Variants in INTS2 observed in about 807,000 individuals in gnomAD.
The protein encoded by INTS2 is integrator complex subunit 2, also known as KIAA1287.
In INTS2, 57 loss-of-function variants were observed where a neutral mutation model predicts 139.6. That is an observed-to-expected ratio of 0.41 (90% CI 0.33 to 0.51). The LOEUF is 0.51. INTS2 is among the 20% of genes least tolerant of loss of function. The probability of loss-of-function intolerance (pLI) is 0.28; values close to 1 mark genes in which losing one functional copy is unlikely to be tolerated. For synonymous variants in INTS2, 473 were observed against 493.4 expected, an observed-to-expected ratio of 0.96 and a Z score of 0.55; for missense variants, 1,196 against 1,436.7, an observed-to-expected ratio of 0.83 and a Z score of 2.71.
At position 61,868,962 on chromosome 17, in the gene INTS2, CA is replaced by C. The variant is rs1291740630; in HGVS notation, c.3244+71del. The stretch of plus-strand genomic sequence containing the variant: ...GAGTGACAGAAAAAACATATTGCAT[CA>C]CTAAATGCAGAAAATATAGGAACTA... On this transcript the variant is annotated intron_variant, in intron 23 of 24. Coordinates refer to ENST00000251334, the MANE Select transcript of INTS2 (RefSeq NM_001351695.2). The surrounding 1 kb of genome is among the most constrained non-coding windows in gnomAD (Gnocchi z 4.7). The C allele has an allele frequency of 3.4e-6, 3 of 876,744 alleles. No homozygotes were observed. Among genetic ancestry groups the C allele is most frequent in the Middle Eastern group, 3.4e-4 (1 of 2,950 alleles). 54.3% of individuals were successfully genotyped at this position (876,744 alleles called of 1,614,324 possible).
Position 61,904,624 on chromosome 17 carries a change from T to C in INTS2, c.1182-39A>G, listed in dbSNP as rs185119931. ...CATCATTAGGCTTTACATTTTTAGTTGGGATGAAGAAGAAAAAGTGAATTT... is the reference window on the plus strand; with the variant it reads ...CATCATTAGGCTTTACATTTTTAGTCGGGATGAAGAAGAAAAAGTGAATTT... On this transcript the variant is annotated intron_variant, in intron 8 of 24. Transcript: ENST00000251334. 2.9e-5 allele frequency: 44 copies of C among 1,524,140 alleles called. No individual in the cohort carries two copies. In the African/African-American group the frequency reaches 5.2e-4, roughly 18 times the overall value. 94.4% of individuals were successfully genotyped at this position (1,524,140 alleles called of 1,614,324 possible).
Position 61,875,672 on chromosome 17 carries a change from T to C in INTS2, c.2457-634A>G, listed in dbSNP as rs1384285233. The stretch of plus-strand genomic sequence containing the variant: ...AATATGACTGTATAAACAAGGATCA[T>C]CAGACACTTAAAGAAAGCTTTTACT... On this transcript the variant is annotated intron_variant, in intron 18 of 24. Transcript: ENST00000251334. This position sits in a 1 kb window ranked among gnomAD's most constrained non-coding sequence, Gnocchi z 4.6. Among the ~76,000 whole-genome samples the C allele has an allele frequency of 6.6e-6, 1 of 151,810 alleles. No individual in the cohort carries two copies. The highest frequency in any genetic ancestry group is 1.5e-5 in the Non-Finnish European group (1 of 67,972).
rs190196916 is a variant in INTS2 at position 61,909,554 on chromosome 17, C to T, written c.955-1920G>A. On this transcript the variant is annotated intron_variant, in intron 7 of 24. Transcript: ENST00000251334. This position sits in a 1 kb window ranked among gnomAD's most constrained non-coding sequence, Gnocchi z 4.9. ...ATAGGTAACTTCTCAACCCTCACCC[C>T]CTTCCCACCCTCCCAACATTTGGAG... Among the ~76,000 whole-genome samples the T allele has an allele frequency of 4.3e-3, 658 of 152,240 alleles. 4 individuals carry two copies. The highest frequency in any genetic ancestry group is 0.015 in the African/African-American group (630 of 41,544).
At chr17:61,877,833 A>ATAT in intron 18 of INTS2, 54 bp downstream of exon 18, 1 of 1,420,006 alleles carries the variant, frequency 7.0e-7, no homozygotes, top group East Asian at 2.3e-5. Flanking sequence ...AGGTTATTGT[A>ATAT]TATTATCCCT....
At chr17:61,889,983 A>AT (rs1470044348) in intron 14 of INTS2, 89 bp from the exon 15 acceptor site, 1 of 760,762 alleles carries the variant, frequency 1.3e-6, no homozygotes, top group East Asian at 2.8e-5. Context: ...AAAATAGACT[A>AT]TTCAGCATTG....
chr17:61,881,727 C>G (rs2079180266), intron 16 of INTS2, among the ~76,000 whole-genome samples: 1 of 152,216 alleles, frequency 6.6e-6, no homozygotes, highest in Non-Finnish European at 1.5e-5. Context: ...GGAATGTGCA[C>G]TTCTTGTGCA....
chr17:61,915,331 C>G (rs1385507323), intron 5 of INTS2, among the ~76,000 whole-genome samples: 1 of 138,620 alleles, frequency 7.2e-6, no homozygotes, highest in African/African-American at 3.2e-5. Flanking sequence ...GAGCAAGACT[C>G]CGTCTCAAAA....
chr17:61,871,340 C>CA lies in INTS2; in HGVS notation c.2778+924dup, dbSNP rs994466317. ...TTCACCATGTTGGCCAGGCTGGTCT[C>CA]AAAACTCCTGAACTCAGGTGATCCA... On this transcript the variant is annotated intron_variant, in intron 20 of 24. Coordinates refer to ENST00000251334, the MANE Select transcript of INTS2 (RefSeq NM_001351695.2). The surrounding 1 kb of genome is among the most constrained non-coding windows in gnomAD (Gnocchi z 4.9). 1.3e-5 allele frequency among the ~76,000 whole-genome samples: 2 copies of CA among 151,910 alleles called. No homozygotes were observed. The highest frequency in any genetic ancestry group is 4.8e-5 in the African/African-American group (2 of 41,362).
chr17:61,894,811 G>A (rs1020490397), intron 12 of INTS2, among the ~76,000 whole-genome samples: 1 of 150,912 alleles, frequency 6.6e-6, no homozygotes, highest in African/African-American at 2.5e-5. Flanking sequence ...CCATACCACT[G>A]TATACTAGCC....
At position 61,869,128 on chromosome 17, in the gene INTS2, G is replaced by A; in HGVS notation, c.3150C>T (p.Ile1050=). 6.2e-7 allele frequency: 1 copy of A among 1,603,306 alleles called. No homozygotes were observed. Among genetic ancestry groups the A allele is most frequent in the Non-Finnish European group, 8.5e-7 (1 of 1,171,186 alleles). The change falls in exon 23 of 25, where the codon ATC becomes ATT. Residue 1050 remains isoleucine (I), a synonymous_variant. Transcript: ENST00000251334. The surrounding 1 kb of genome is among the most constrained non-coding windows in gnomAD (Gnocchi z 5.4). The part of the protein sequence containing the change: ...QPELEKQIFA[I]QLLSHLCIQY... Reference sequence around the variant, plus strand: ...GTATACACAAGTGAGAAAGCAACTGGATAGCAAATATCTGCAATACAAAAT... The same window carrying A: ...GTATACACAAGTGAGAAAGCAACTGAATAGCAAATATCTGCAATACAAAAT...
chr17:61,898,727 C>A (rs909737575), intron 9 of INTS2, among the ~76,000 whole-genome samples: 1 of 152,190 alleles, frequency 6.6e-6, no homozygotes, highest in African/African-American at 2.4e-5. Flanking sequence ...GATTCTCCTA[C>A]CTCAGCCTCC....
Position 61,919,494 on chromosome 17 carries a change from A to G in INTS2, c.555T>C (p.Pro185=). 1.3e-6 allele frequency: 2 copies of G among 1,587,736 alleles called. No homozygotes were observed. Among genetic ancestry groups the G allele is most frequent in the Non-Finnish European group, 1.7e-6 (2 of 1,163,706 alleles). The stretch of plus-strand genomic sequence containing the variant: ...GCAAAGCTTCAGCTACATCAACTAT[A>G]GGGAGCAAGGAAGGGAGCTCTACAA... The part of the protein sequence containing the change: ...ILQAELPSLL[P]IVDVAEALLH... Residue 185 remains proline (P), a synonymous_variant, in exon 5 of 25, where the codon CCT becomes CCC. Transcript: ENST00000251334.
chr17:61,896,654 A>C (rs1298917673), intron 11 of INTS2, among the ~76,000 whole-genome samples: 1 of 152,226 alleles, frequency 6.6e-6, no homozygotes, highest in Non-Finnish European at 1.5e-5. Flanking sequence ...AAACAAGCCA[A>C]AACACATAAA....
intron 5 of INTS2, among the ~76,000 whole-genome samples, chr17:61,913,707 A>C (rs1245003012): frequency 6.6e-6 from 1 of 152,158 alleles, no homozygotes; most frequent in Non-Finnish European, 1.5e-5. Context: ...AAGCCAGTAA[A>C]ATTTGTTGCC....
Position 61,893,686 on chromosome 17 carries a change from C to T in INTS2, c.1698+79G>A. On this transcript the variant is annotated intron_variant, in intron 13 of 24. Coordinates refer to ENST00000251334, the MANE Select transcript of INTS2 (RefSeq NM_001351695.2). The surrounding 1 kb of genome is among the most constrained non-coding windows in gnomAD (Gnocchi z 5.4). ...CTCCAACCTGGGTGACTGAGCAAGA[C>T]TCCATCTCAAAAGAAAAAAAATATA... The T allele has an allele frequency of 1.8e-6, 2 of 1,098,126 alleles. No individual in the cohort carries two copies. The highest frequency in any genetic ancestry group is 5.4e-5 in the South Asian group (2 of 37,258). The allele number at this position is 1,098,126 out of a possible 1,614,324, so 68.0% of individuals were successfully genotyped here.
At chr17:61,915,994 T>C (rs957327036) in intron 5 of INTS2, among the ~76,000 whole-genome samples, 1 of 152,086 alleles carries the variant, frequency 6.6e-6, no homozygotes, top group Admixed American at 6.6e-5. Flanking sequence ...TTAGAAACTT[T>C]AGGATACTAA....
rs953625120 is a variant in INTS2, at chr17:61,870,729, T to C, written c.2779-741A>G. Reference sequence around the variant, plus strand: ...CTTGAGCTAAGTGATTAAGAACTTATTATAAAGTGAGGTTAGACTACTTTA... The same window carrying C: ...CTTGAGCTAAGTGATTAAGAACTTACTATAAAGTGAGGTTAGACTACTTTA... On this transcript the variant is annotated intron_variant, in intron 20 of 24. Transcript: ENST00000251334. The surrounding 1 kb of genome is among the most constrained non-coding windows in gnomAD (Gnocchi z 4.4). Among the ~76,000 whole-genome samples the C allele has an allele frequency of 6.6e-6, 1 of 152,212 alleles. No individual in the cohort carries two copies. Among genetic ancestry groups the C allele is most frequent in the Non-Finnish European group, 1.5e-5 (1 of 68,042 alleles).
chr17:61,919,124 C>A (rs2079612940), intron 5 of INTS2, among the ~76,000 whole-genome samples: 1 of 151,912 alleles, frequency 6.6e-6, no homozygotes, highest in African/African-American at 2.4e-5. Context: ...GGGGTTTCAC[C>A]ATAGTGGCCA....
Position 61,909,723 on chromosome 17 carries a change from G to C in INTS2, c.954+1797C>G, listed in dbSNP as rs1011246783. Among the ~76,000 whole-genome samples, 5 of 151,952 alleles carry C rather than the reference G, an allele frequency of 3.3e-5. No individual in the cohort carries two copies. Among genetic ancestry groups the C allele is most frequent in the African/African-American group, 9.7e-5 (4 of 41,348 alleles). On this transcript the variant is annotated intron_variant, in intron 7 of 24. Coordinates refer to ENST00000251334, the MANE Select transcript of INTS2 (RefSeq NM_001351695.2). The surrounding 1 kb of genome is among the most constrained non-coding windows in gnomAD (Gnocchi z 4.9). ...GGCCTCCAGTTCCATCCATGTTACTGTCAGACATGATTTTATTCTTTTTTA... is the reference window on the plus strand; with the variant it reads ...GGCCTCCAGTTCCATCCATGTTACTCTCAGACATGATTTTATTCTTTTTTA...
Sources: gnomAD v4.1 joint callset for allele counts (sites outside exome capture counted in the v4.1 genomes callset) on GRCh38, gnomAD v4.1.1 for gene constraint, Gnocchi (gnomAD v3.1) non-coding constraint, MANE v1.5 for transcripts, NCBI Gene and HGNC (gene_info 2026-07-23, HGNC 2026-07-21) for gene names.